Variants in PTPRN2 observed in about 807,000 individuals in gnomAD.
PTPRN2 encodes the protein receptor-type tyrosine-protein phosphatase N2.
PTPRN2 carries 74 observed loss-of-function variants against 118.8 expected under a neutral mutation model. The observed-to-expected ratio is 0.62, with a 90% CI of 0.52 to 0.76. The LOEUF (loss-of-function observed/expected upper bound fraction) is 0.76, where lower values mean the gene tolerates loss of function less well. Ranked by LOEUF, PTPRN2 falls within the 30% of genes least tolerant of loss-of-function variation. PTPRN2 has a pLI of 0.00. For synonymous variants in PTPRN2, 641 were observed against 608.0 expected, an observed-to-expected ratio of 1.05 and a Z score of -0.80; for missense variants, 1,481 against 1,394.4, an observed-to-expected ratio of 1.06 and a Z score of -0.99.
At chr7:157,982,846 TGA>T (rs1803402510) in intron 11 of PTPRN2, among the ~76,000 whole-genome samples, 2 of 76,416 alleles carry the variant, frequency 2.6e-5, no homozygotes, top group East Asian at 4.5e-4. Flanking sequence ...GTCACAGAGA[TGA>T]GGAGGGGAAT....
chr7:157,969,691 C>G (rs1802185816), intron 11 of PTPRN2, among the ~76,000 whole-genome samples: 3 of 151,844 alleles, frequency 2.0e-5, no homozygotes, highest in Admixed American at 2.0e-4. Flanking sequence ...CTGGTGGGAG[C>G]AGAAACCTTG....
intron 12 of PTPRN2, 26 bp from the exon 13 acceptor site, chr7:157,682,963 G>A (rs748963189): frequency 1.9e-6 from 3 of 1,552,598 alleles, no homozygotes; most frequent in Non-Finnish European, 2.7e-6. Flanking sequence ...AGAGGGGTGT[G>A]TTAGCTCCTG....
chr7:158,167,324 T>A (rs1409790327), intron 5 of PTPRN2, 33 bp from the exon 6 acceptor site: 1 of 1,540,808 alleles, frequency 6.5e-7, no homozygotes, highest in Non-Finnish European at 8.7e-7. Flanking sequence ...AGAGCAAGAG[T>A]CACATTTCCA....
rs570125695 is a variant in PTPRN2, at chr7:157,707,260, A to G, written c.1789-24323T>C. Among the ~76,000 whole-genome samples, 33 of 151,906 alleles carry G rather than the reference A, an allele frequency of 2.2e-4. No homozygotes were observed. In the South Asian group the frequency reaches 6.9e-3, roughly 32 times the overall value. Reference sequence around the variant, plus strand: ...CACACACATACACAGAAACACACACACCACACATACACACAGACACATACC... The same window carrying G: ...CACACACATACACAGAAACACACACGCCACACATACACACAGACACATACC... On this transcript the variant is annotated intron_variant, in intron 12 of 22. Coordinates refer to ENST00000389418, the MANE Select transcript of PTPRN2 (RefSeq NM_002847.5).
Position 158,119,144 on chromosome 7 carries a change from C to T in PTPRN2, c.1557-8229G>A, listed in dbSNP as rs751403254. On this transcript the variant is annotated intron_variant, in intron 9 of 22. Transcript: ENST00000389418. ...TTAAGAAACCTCATAATGTACCTAGCGTGTATAGAGTACTCTTAAAACTCA... is the reference window on the plus strand; with the variant it reads ...TTAAGAAACCTCATAATGTACCTAGTGTGTATAGAGTACTCTTAAAACTCA... 1.9e-4 allele frequency among the ~76,000 whole-genome samples: 29 copies of T among 152,144 alleles called. No individual in the cohort carries two copies. In the Middle Eastern group the frequency reaches 0.01, roughly 54 times the overall value.
chr7:158,583,081 C>G (rs1370356508), intron 1 of PTPRN2, among the ~76,000 whole-genome samples: 1 of 152,218 alleles, frequency 6.6e-6, no homozygotes, highest in Non-Finnish European at 1.5e-5. Context: ...TGAGGCTTCA[C>G]TCCCCTTCCT....
At chr7:157,612,103 G>A (rs1247215424) in intron 15 of PTPRN2, among the ~76,000 whole-genome samples, 2 of 152,200 alleles carry the variant, frequency 1.3e-5, no homozygotes, top group Admixed American at 1.3e-4. Flanking sequence ...CACCTGGAGC[G>A]ACCTGGGTTT....
intron 11 of PTPRN2, among the ~76,000 whole-genome samples, chr7:158,080,421 G>A (rs558311035): frequency 1.9e-4 from 29 of 150,704 alleles, no homozygotes; most frequent in African/African-American, 5.6e-4. Flanking sequence ...AGTGTGTTCC[G>A]TCCTGTCTTA....
At chr7:157,555,873 A>T (rs529457962) in intron 21 of PTPRN2, among the ~76,000 whole-genome samples, 1 of 152,364 alleles carries the variant, frequency 6.6e-6, no homozygotes, top group Non-Finnish European at 1.5e-5. Flanking sequence ...TAAGGAACGA[A>T]GTGGAACAGT....
At chr7:157,982,247 C>T (rs1292752245) in intron 11 of PTPRN2, among the ~76,000 whole-genome samples, 3 of 142,778 alleles carry the variant, frequency 2.1e-5, no homozygotes, top group Admixed American at 1.4e-4. Flanking sequence ...TGCGGGGTCC[C>T]CCCAAACCCC....
rs1226881819 is a variant in PTPRN2, at chr7:157,779,390, A to C, written c.1789-96453T>G. Among the ~76,000 whole-genome samples the C allele has an allele frequency of 2.6e-5, 4 of 152,302 alleles. No individual in the cohort carries two copies. Among genetic ancestry groups the C allele is most frequent in the Middle Eastern group, 3.4e-3 (1 of 294 alleles). On this transcript the variant is annotated intron_variant, in intron 12 of 22. Coordinates refer to ENST00000389418, the MANE Select transcript of PTPRN2 (RefSeq NM_002847.5). The surrounding 1 kb of genome is among the most constrained non-coding windows in gnomAD (Gnocchi z 4.7). The stretch of plus-strand genomic sequence containing the variant: ...GCCTTGCTTCTCATCTGACCAAAGA[A>C]GACCGTGTTTCCTGGGACCCTGCAG...
intron 3 of PTPRN2, among the ~76,000 whole-genome samples, chr7:158,285,737 C>T (rs778264564): frequency 5.9e-5 from 9 of 152,352 alleles, no homozygotes; most frequent in African/African-American, 1.4e-4. Context: ...GCGTAGAGCG[C>T]GGGCTGTCTA....
chr7:157,828,985 A>C (rs1807370212), intron 12 of PTPRN2, among the ~76,000 whole-genome samples: 1 of 152,250 alleles, frequency 6.6e-6, no homozygotes, highest in East Asian at 1.9e-4. Context: ...TTCTAAGGGA[A>C]ATTGATGACA....
chr7:157,758,817 T>G (rs575717661), intron 12 of PTPRN2, among the ~76,000 whole-genome samples: 12 of 152,238 alleles, frequency 7.9e-5, no homozygotes, highest in African/African-American at 2.4e-4. Flanking sequence ...AATCCCTGAT[T>G]TCACGGGACT....
chr7:157,656,635 C>T, intron 13 of PTPRN2, 84 bp from the exon 14 acceptor site: 7 of 1,292,016 alleles, frequency 5.4e-6, no homozygotes, highest in Non-Finnish European at 7.4e-6. Context: ...CCACGTGGCA[C>T]AACCCCTTCT....
intron 3 of PTPRN2, among the ~76,000 whole-genome samples, chr7:158,206,996 C>T (rs1286410831): frequency 7.5e-6 from 1 of 132,790 alleles, no homozygotes; most frequent in Non-Finnish European, 1.6e-5. Flanking sequence ...GTGTGATGTT[C>T]CCCTTCCTGT....
In PTPRN2 at chr7:158,546,677, G is replaced by C. The variant is rs1826305583; in HGVS notation, c.112+40881C>G. 6.6e-6 allele frequency among the ~76,000 whole-genome samples: 1 copy of C among 152,212 alleles called. No homozygotes were observed. The highest frequency in any genetic ancestry group is 2.1e-4 in the South Asian group (1 of 4,832). On this transcript the variant is annotated intron_variant, in intron 1 of 22. Coordinates refer to ENST00000389418, the MANE Select transcript of PTPRN2 (RefSeq NM_002847.5). This position sits in a 1 kb window ranked among gnomAD's most constrained non-coding sequence, Gnocchi z 5.0. Reference sequence around the variant, plus strand: ...GTGGGTGACTACAGAGGTGCTCTGAGGGTCTTAGGCAGAGCTGGCCATGCT... The same window carrying C: ...GTGGGTGACTACAGAGGTGCTCTGACGGTCTTAGGCAGAGCTGGCCATGCT...
chr7:158,432,261 G>A (rs560752738), intron 2 of PTPRN2, among the ~76,000 whole-genome samples: 30 of 152,334 alleles, frequency 2.0e-4, no homozygotes, highest in African/African-American at 7.0e-4. Flanking sequence ...GAGGAGCGGC[G>A]GGGCCTTGAG....
At position 158,167,273 on chromosome 7, in the gene PTPRN2, C is replaced by T. The variant is rs78784885; in HGVS notation, c.568G>A (p.Glu190Lys). 1.7e-3 allele frequency: 2,795 copies of T among 1,602,262 alleles called. 65 individuals carry two copies. The East Asian group carries it at 0.052, about 30-fold the overall frequency. The change falls in exon 6 of 23, where the codon GAG (glutamate) becomes AAG (lysine). Residue 190 changes from glutamate to lysine, a missense_variant. Glu to Lys is a moderately conservative substitution (Grantham distance 56). Around this residue, in one of 3 missense-constraint regions of PTPRN2, gnomAD observed 1,115 missense variants for 994.2 expected, o/e 1.12. Coordinates refer to ENST00000389418, the MANE Select transcript of PTPRN2 (RefSeq NM_002847.5). ...PPAEGDDRFS[E>K]SILTYVAHTS... ...TGGGCCACATAGGTCAGGATGCTCTCGGAGAAGCGGTCATCACCCTGAAGG... is the reference window on the plus strand; with the variant it reads ...TGGGCCACATAGGTCAGGATGCTCTTGGAGAAGCGGTCATCACCCTGAAGG...
Sources: allele counts gnomAD v4.1 joint callset (sites outside exome capture counted in the v4.1 genomes callset), GRCh38; gene constraint gnomAD v4.1.1; regional missense constraint gnomAD v4.1.1; non-coding constraint Gnocchi (gnomAD v3.1); transcripts MANE v1.5; gene names NCBI Gene and HGNC (gene_info 2026-07-23, HGNC 2026-07-21).